Variants in OASL observed in about 807,000 individuals in gnomAD.
OASL encodes 2'-5'-oligoadenylate synthetase like.
In OASL, 28 loss-of-function variants were observed where a neutral mutation model predicts 35.3. The ratio of observed to expected loss-of-function variants is 0.79; its 90% confidence interval spans 0.59 to 1.09. OASL has a LOEUF of 1.09. Ranked by LOEUF, OASL falls within the 50% of genes least tolerant of loss-of-function variation. OASL has a pLI of 0.00. For synonymous variants in OASL, 252 were observed against 254.6 expected (o/e 0.99, Z 0.10); for missense variants, 620 against 635.2 (o/e 0.98, Z 0.26).
intron 3 of OASL, among the ~76,000 whole-genome samples, chr12:121,028,267 A>G (rs1268510581): frequency 3.3e-5 from 5 of 152,114 alleles, no homozygotes; most frequent in Non-Finnish European, 7.4e-5. Context: ...TTCCTTCCCC[A>G]TTGCATAGTA....
chr12:121,030,073 C>A (rs1264792344), intron 3 of OASL, among the ~76,000 whole-genome samples: 1 of 152,068 alleles, frequency 6.6e-6, no homozygotes, highest in African/African-American at 2.4e-5. Flanking sequence ...CGGGGTTTCA[C>A]TATGTTGCTC....
chr12:121,031,657 G>C, intron 2 of OASL, 40 bp from the exon 3 acceptor site: 1 of 1,576,730 alleles, frequency 6.3e-7, no homozygotes, highest in Non-Finnish European at 8.7e-7. Flanking sequence ...TGGGGATTGA[G>C]GAAGCCAGAG....
chr12:121,023,270 T>G (rs1295808760), intron 5 of OASL, among the ~76,000 whole-genome samples: 7 of 147,734 alleles, frequency 4.7e-5, no homozygotes, highest in African/African-American at 1.7e-4. Context: ...AGAGTGAGGG[T>G]GGTGTCTTTT....
chr12:121,027,553 G>T (rs751702665), intron 4 of OASL, 23 bp downstream of exon 4: 1 of 1,611,184 alleles, frequency 6.2e-7, no homozygotes, highest in South Asian at 1.1e-5. Context: ...GTAAGATTTG[G>T]TGGGCAAACA....
intron 3 of OASL, among the ~76,000 whole-genome samples, chr12:121,029,644 C>T (rs1353914887): frequency 2.6e-5 from 4 of 151,654 alleles, no homozygotes; most frequent in African/African-American, 4.8e-5. Flanking sequence ...GCTGAGATTG[C>T]GCCACTGCAT....
At chr12:121,028,623 C>G (rs182002339) in intron 3 of OASL, among the ~76,000 whole-genome samples, 1 of 140,310 alleles carries the variant, frequency 7.1e-6, no homozygotes, top group East Asian at 2.3e-4. Context: ...ACCCGCCCCC[C>G]CCGCCCGCCC....
intron 1 of OASL, 85 bp from the exon 2 acceptor site, chr12:121,033,828 T>C: frequency 7.0e-7 from 1 of 1,429,068 alleles, no homozygotes; most frequent in Non-Finnish European, 9.6e-7. Context: ...ACTGTCTCAC[T>C]GAATGCTCAC....
At chr12:121,027,450 C>T (rs1869534435) in intron 4 of OASL, 126 bp downstream of exon 4, 4 of 1,400,284 alleles carry the variant, frequency 2.9e-6, no homozygotes, top group African/African-American at 2.9e-5. Flanking sequence ...TGTGGGAGGT[C>T]GATGCTCAAC....
intron 3 of OASL, among the ~76,000 whole-genome samples, chr12:121,029,103 A>G (rs888778555): frequency 8.0e-5 from 12 of 149,944 alleles, no homozygotes; most frequent in Non-Finnish European, 3.0e-5. Flanking sequence ...TCACTGATAC[A>G]TTGATATTTA....
chr12:121,031,411 C>T (rs1056836793), intron 3 of OASL, 31 bp downstream of exon 3: 2 of 1,607,162 alleles, frequency 1.2e-6, no homozygotes, highest in African/African-American at 2.7e-5. Context: ...CTTCCCTCTC[C>T]TTGCCCCTGC....
chr12:121,022,693 A>G (rs998586696), intron 5 of OASL, among the ~76,000 whole-genome samples: 1 of 152,020 alleles, frequency 6.6e-6, no homozygotes, highest in Non-Finnish European at 1.5e-5. Context: ...TCCTGTACAC[A>G]TCTTGCTCAT....
At chr12:121,038,485 T>C (rs1307308437) in intron 1 of OASL, among the ~76,000 whole-genome samples, 2 of 152,232 alleles carry the variant, frequency 1.3e-5, no homozygotes, top group Non-Finnish European at 2.9e-5. Flanking sequence ...TTTGCTAATC[T>C]GTAAACTGGG....
chr12:121,026,507 G>C (rs1013304227), intron 4 of OASL, among the ~76,000 whole-genome samples: 1 of 152,158 alleles, frequency 6.6e-6, no homozygotes, highest in Non-Finnish European at 1.5e-5. Context: ...ACAAAGAGTG[G>C]GTATTGAAGT....
intron 3 of OASL, 53 bp downstream of exon 3, chr12:121,031,388 TC>T (rs2135911508): frequency 6.4e-7 from 1 of 1,571,318 alleles, no homozygotes; most frequent in Admixed American, 1.7e-5. Flanking sequence ...GCCCTGCCTT[TC>T]CTCCTCACCC....
intron 1 of OASL, among the ~76,000 whole-genome samples, chr12:121,036,398 G>A (rs1043011497): frequency 2.6e-5 from 4 of 152,184 alleles, no homozygotes; most frequent in Non-Finnish European, 5.9e-5. Context: ...GGCTCACTGG[G>A]GATTGCTACC....
At chr12:121,018,032 T>C (rs1869084525), downstream of OASL, among the ~76,000 whole-genome samples, 2 of 152,196 alleles carry the variant, frequency 1.3e-5, no homozygotes, top group African/African-American at 2.4e-5. Flanking sequence ...TTGAGATAAT[T>C]TTTGTGACAG....
intron 4 of OASL, among the ~76,000 whole-genome samples, 196 bp downstream of exon 4, chr12:121,027,380 C>T (rs1232780233): frequency 6.6e-6 from 1 of 152,214 alleles, no homozygotes; most frequent in African/African-American, 2.4e-5. Context: ...GGCTTCTACC[C>T]GCCCCATGGC....
exon 6 of OASL, chr12:121,020,186 T>C: frequency 5.5e-6 from 1 of 182,824 alleles, no homozygotes; most frequent in Non-Finnish European, 1.2e-5. Context: ...TGGGCAGGAG[T>C]GTAGCGGTGT....
At chr12:121,020,810 G>A (rs267603345) in exon 6 of OASL, 17 of 1,614,084 alleles carry the variant, frequency 1.1e-5, no homozygotes, top group Admixed American at 5.0e-5. Flanking sequence ...CCTGGATCTC[G>A]GAGGGGATGG....
Sources: gnomAD v4.1 joint callset for allele counts (sites outside exome capture counted in the v4.1 genomes callset) on GRCh38, gnomAD v4.1.1 for gene constraint, MANE v1.5 for transcripts, NCBI Gene and HGNC (gene_info 2026-07-23, HGNC 2026-07-21) for gene names.